The following GJB7 variants were observed in gnomAD, a reference collection of about 807,000 sequenced individuals.
GJB7 encodes the protein gap junction protein beta 7.
For missense variants in GJB7, 253 were observed against 256.8 expected, an observed-to-expected ratio of 0.99 and a Z score of 0.10; for synonymous variants, 87 against 95.2, an observed-to-expected ratio of 0.91 and a Z score of 0.50.
chr6:87,287,264 A>C (rs1776077426), intron 2 of GJB7, among the ~76,000 whole-genome samples: 1 of 152,188 alleles, frequency 6.6e-6, no homozygotes, highest in Non-Finnish European at 1.5e-5. Flanking sequence ...CTATAGTACA[A>C]TAATTAATAC....
chr6:87,304,303 A>T (rs1184427121), intron 2 of GJB7, among the ~76,000 whole-genome samples: 1 of 152,214 alleles, frequency 6.6e-6, no homozygotes. Context: ...AGAAGAAAAG[A>T]GAAGAATCAA....
At chr6:87,299,438 A>T (rs1582558724) in intron 2 of GJB7, 2 of 461,160 alleles carry the variant, frequency 4.3e-6, no homozygotes, top group East Asian at 1.1e-4. Context: ...TACTTTATTA[A>T]TACGTCAAAA....
intron 2 of GJB7, among the ~76,000 whole-genome samples, chr6:87,304,155 A>G (rs1776381513): frequency 1.3e-5 from 2 of 152,182 alleles, no homozygotes; most frequent in Admixed American, 1.3e-4. Context: ...AGCTAGCAGA[A>G]GACAAGAAAT....
intron 2 of GJB7, among the ~76,000 whole-genome samples, chr6:87,318,354 A>G (rs1183305012): frequency 1.3e-5 from 2 of 152,210 alleles, no homozygotes; most frequent in Non-Finnish European, 2.9e-5. Context: ...TATTGGCACC[A>G]TAATTCTGCA....
chr6:87,288,467 C>T (rs1162744948), intron 2 of GJB7, among the ~76,000 whole-genome samples: 1 of 152,198 alleles, frequency 6.6e-6, no homozygotes, highest in African/African-American at 2.4e-5. Context: ...CTTGCCTCTA[C>T]ATATATGTCA....
intron 2 of GJB7, chr6:87,299,436 T>C (rs1776290078): frequency 6.5e-6 from 3 of 462,232 alleles, no homozygotes; most frequent in Non-Finnish European, 1.3e-5. Context: ...CATACTTTAT[T>C]AATACGTCAA....
chr6:87,284,878 C>T lies in GJB7; in HGVS notation c.35G>A (p.Gly12Glu). ...SWMFLRDLLS[G>E]VNKYSTGTGW... ...AGTCCCAGTGGAGTATTTATTTACT[C>T]CACTCAGGAGATCTCTGAGGAACAT... Residue 12 changes from glycine (G) to glutamate (E), a missense_variant, in exon 3 of 3, where the codon GGA becomes GAA. Physicochemically the swap from Gly to Glu is moderately conservative, Grantham distance 98. Transcript: ENST00000525899. 1 of 1,609,842 alleles carries T rather than the reference C, an allele frequency of 6.2e-7. No homozygotes were observed. Among genetic ancestry groups the T allele is most frequent in the Non-Finnish European group, 8.5e-7 (1 of 1,179,800 alleles).
intron 2 of GJB7, among the ~76,000 whole-genome samples, chr6:87,287,821 C>T (rs928135812): frequency 6.6e-6 from 1 of 152,120 alleles, no homozygotes; most frequent in African/African-American, 2.4e-5. Context: ...AAAAAAGTGA[C>T]TGATCTTTGA....
rs1239137752 is a variant in GJB7, at chr6:87,284,392, G to C, written c.521C>G (p.Thr174Ser). 6.2e-7 allele frequency: 1 copy of C among 1,614,070 alleles called. No homozygotes were observed. The highest frequency in any genetic ancestry group is 1.3e-5 in the African/African-American group (1 of 74,936). The change falls in exon 3 of 3, where the codon ACT becomes AGT. Residue 174 changes from threonine to serine, a missense_variant. Thr to Ser is a moderately conservative substitution (Grantham distance 58). Coordinates refer to ENST00000525899, the MANE Select transcript of GJB7 (RefSeq NM_198568.3). ...GAAGAGGATGAAGATCGTCTTCTCA[G>C]TGGGTTTGGAGATGAAGCAGTCCAC... ...NTVDCFISKP[T>S]EKTIFILFLV...
At chr6:87,303,544 A>T (rs1776370166) in intron 2 of GJB7, among the ~76,000 whole-genome samples, 1 of 152,194 alleles carries the variant, frequency 6.6e-6, no homozygotes, top group African/African-American at 2.4e-5. Flanking sequence ...TTAGAGACCT[A>T]CAAAGAGACT....
In GJB7 at chr6:87,299,685, A is replaced by G. The variant is rs115408978; in HGVS notation, c.-27-14746T>C. On this transcript the variant is annotated intron_variant, in intron 2 of 2. Transcript: ENST00000525899. ...ATTTTGGTGACAACAGAAAGAACCA[A>G]CGTGAAGATACAGCTATTGCTACTG... 3.4e-4 allele frequency: 59 copies of G among 172,284 alleles called. 1 individual carries two copies. Among genetic ancestry groups the G allele is most frequent in the African/African-American group, 1.4e-3 (58 of 41,746 alleles). 10.7% of individuals were successfully genotyped at this position (172,284 alleles called of 1,614,324 possible).
In GJB7 at chr6:87,284,341, A is replaced by G. The variant is rs779981866; in HGVS notation, c.572T>C (p.Ile191Thr). 1 of 1,614,042 alleles carries G rather than the reference A, an allele frequency of 6.2e-7. No homozygotes were observed. Among genetic ancestry groups the G allele is most frequent in the African/African-American group, 1.3e-5 (1 of 75,022 alleles). ...ACTCAGTTCAATGAAATTCAACACA[A>G]TACACAAGCATGAGGTGATGACCAA... ...LFLVITSCLCIVLNFIELSFL... is the reference protein window; with the variant it reads ...LFLVITSCLCTVLNFIELSFL... The change falls in exon 3 of 3, where the codon ATT becomes ACT. Residue 191 changes from isoleucine to threonine, a missense_variant. Coordinates refer to ENST00000525899, the MANE Select transcript of GJB7 (RefSeq NM_198568.3).
intron 2 of GJB7, chr6:87,299,007 T>C (rs779521543): frequency 2.9e-4 from 138 of 483,854 alleles, no homozygotes; most frequent in Middle Eastern, 1.4e-3. Context: ...CCAAAGTCAA[T>C]TGATGTAAAG....
chr6:87,313,450 C>G (rs1582566590), intron 2 of GJB7, among the ~76,000 whole-genome samples: 1 of 152,170 alleles, frequency 6.6e-6, no homozygotes, highest in Non-Finnish European at 1.5e-5. Flanking sequence ...TTCCCAAAAT[C>G]TCTGTATTTC....
At chr6:87,297,141 G>A (rs1452603592) in intron 2 of GJB7, among the ~76,000 whole-genome samples, 2 of 152,184 alleles carry the variant, frequency 1.3e-5, no homozygotes, top group Admixed American at 1.3e-4. Flanking sequence ...AGTGGCCACA[G>A]GACCCAACGA....
At chr6:87,310,626 A>G (rs1776502778) in intron 2 of GJB7, among the ~76,000 whole-genome samples, 1 of 151,804 alleles carries the variant, frequency 6.6e-6, no homozygotes, top group Admixed American at 6.6e-5. Flanking sequence ...ATGAAAAGCC[A>G]CCTGTTCCCC....
At chr6:87,328,786 C>A (rs576322323) in intron 1 of GJB7, among the ~76,000 whole-genome samples, 13 of 152,306 alleles carry the variant, frequency 8.5e-5, no homozygotes, top group Non-Finnish European at 1.5e-4. Flanking sequence ...CCACCCAGTT[C>A]GAGCTTCCCA....
chr6:87,298,285 A>T (rs1413108776), intron 2 of GJB7, among the ~76,000 whole-genome samples: 1 of 152,252 alleles, frequency 6.6e-6, no homozygotes, highest in South Asian at 2.1e-4. Flanking sequence ...CCAACCCAAC[A>T]TTCACCTTCT....
intron 2 of GJB7, among the ~76,000 whole-genome samples, chr6:87,304,707 G>A (rs1430507256): frequency 6.6e-6 from 1 of 152,114 alleles, no homozygotes; most frequent in Non-Finnish European, 1.5e-5. Context: ...CCAAAGCCTG[G>A]CAGAGACACA....
Sources: gnomAD v4.1 joint callset for allele counts (sites outside exome capture counted in the v4.1 genomes callset) on GRCh38, gnomAD v4.1.1 for gene constraint, MANE v1.5 for transcripts, NCBI Gene and HGNC (gene_info 2026-07-23, HGNC 2026-07-21) for gene names.